The following DNAH3 variants were observed in gnomAD, a reference collection of about 807,000 sequenced individuals.
The protein encoded by DNAH3 is dynein axonemal heavy chain 3, also known as axonemal beta dynein heavy chain 3.
DNAH3 carries 332 observed loss-of-function variants against 432.5 expected under a neutral mutation model. The ratio of observed to expected loss-of-function variants is 0.77; its 90% CI spans 0.70 to 0.84. The LOEUF is 0.84. DNAH3 is among the 40% of genes least tolerant of loss of function. DNAH3 has a pLI of 0.00. For missense variants in DNAH3, 4,861 were observed against 5,114.0 expected, an observed-to-expected ratio of 0.95 and a Z score of 1.51; for synonymous variants, 1,956 against 1,900.2, an observed-to-expected ratio of 1.03 and a Z score of -0.76.
At position 20,969,266 on chromosome 16, in the gene DNAH3, GTC is replaced by G. The variant is rs201202362; in HGVS notation, c.8458+524_8458+525del. Among the ~76,000 whole-genome samples the G allele has an allele frequency of 8.8e-3, 1,324 of 150,386 alleles. 18 individuals carry two copies. The highest frequency in any genetic ancestry group is 0.03 in the African/African-American group (1,244 of 41,008). On this transcript the variant is annotated intron_variant, in intron 52 of 61. Transcript: ENST00000261383. The stretch of plus-strand genomic sequence containing the variant: ...TGTGCATGTATGTCTATATGTGCAT[GTC>G]TCTGTGTGCATGCATGTGTGTGCAT...
intron 39 of DNAH3, among the ~76,000 whole-genome samples, chr16:21,023,805 G>C (rs2152715096): frequency 6.6e-6 from 1 of 152,022 alleles, no homozygotes; most frequent in South Asian, 2.1e-4. Flanking sequence ...GTGTGTGTGT[G>C]TGTGTGTGTG....
intron 57 of DNAH3, 113 bp from the exon 58 acceptor site, chr16:20,944,776 GACACACAC>G (rs71377697): frequency 1.0e-5 from 7 of 700,984 alleles, no homozygotes; most frequent in Non-Finnish European, 1.7e-5. Flanking sequence ...AGTAGCACAG[GACACACAC>G]ACACACACAC....
intron 7 of DNAH3, chr16:21,130,091 G>GAAAAAA (rs58706051): frequency 6.3e-5 from 5 of 79,126 alleles, no homozygotes; most frequent in Non-Finnish European, 1.0e-4. Context: ...CTAAATAAAT[G>GAAAAAA]AAAAAAAAAA....
exon 50 of DNAH3, chr16:20,979,419 T>C (rs1401606618): frequency 5.0e-6 from 8 of 1,614,052 alleles, no homozygotes; most frequent in Non-Finnish European, 6.8e-6. Context: ...TTCAGGAGCG[T>C]CTTGAAGGTT....
At chr16:21,152,903 G>A (rs1337769471) in intron 1 of DNAH3, among the ~76,000 whole-genome samples, 1 of 152,190 alleles carries the variant, frequency 6.6e-6, no homozygotes, top group Admixed American at 6.5e-5. Context: ...CTCCTGTGCT[G>A]CCCGAGCCTC....
At chr16:21,102,612 CTGTT>C (rs771548775) in intron 16 of DNAH3, among the ~76,000 whole-genome samples, 4 of 152,096 alleles carry the variant, frequency 2.6e-5, no homozygotes, top group Admixed American at 1.3e-4. Context: ...GATGAGCCTT[CTGTT>C]TATTTATCTA....
At chr16:21,107,219 G>C (rs1293486145) in intron 14 of DNAH3, among the ~76,000 whole-genome samples, 2 of 147,506 alleles carry the variant, frequency 1.4e-5, no homozygotes, top group African/African-American at 5.0e-5. Context: ...TTGAAATAGA[G>C]CACTAAATTA....
chr16:21,149,944 G>A (rs188757116), intron 1 of DNAH3, among the ~76,000 whole-genome samples: 2 of 152,196 alleles, frequency 1.3e-5, no homozygotes, highest in East Asian at 1.9e-4. Context: ...CAGGTAAATC[G>A]GCCAGACACG....
At chr16:21,046,641 T>A (rs1336395363) in intron 31 of DNAH3, among the ~76,000 whole-genome samples, 2 of 152,198 alleles carry the variant, frequency 1.3e-5, no homozygotes, top group African/African-American at 4.8e-5. Context: ...TTTTCCAGTC[T>A]GTGTCTTTTA....
In DNAH3 at chr16:21,086,953, G is replaced by A. The variant is rs965795475; in HGVS notation, c.2773C>T (p.Arg925Cys). ...TTGATCTTCACATTCTCTGCTAAGC[G>A]CCTGGGTGCAGGCACATCAGACAAG... is the stretch of plus-strand genomic sequence containing the variant. Residue 925 changes from arginine (R) to cysteine (C), a missense_variant, in exon 19 of 62, where the codon CGC (arginine) becomes TGC (cysteine). Physicochemically the swap from Arg to Cys is radical, Grantham distance 180. Transcript: ENST00000261383. 8.1e-6 allele frequency: 13 copies of A among 1,614,024 alleles called. No homozygotes were observed. The highest frequency in any genetic ancestry group is 2.2e-5 in the East Asian group (1 of 44,898).
In DNAH3 at chr16:21,112,104, A is replaced by G. The variant is rs1358723953; in HGVS notation, c.1815-6T>C. On this transcript the variant is annotated splice_region_variant and splice_polypyrimidine_tract_variant and intron_variant, in intron 12 of 61. Transcript: ENST00000261383. Reference sequence around the variant, plus strand: ...TTTTGTAGACATTTAAATATCTTCCATATTGAAGGGTGTGAAATCAAACAC... The same window carrying G: ...TTTTGTAGACATTTAAATATCTTCCGTATTGAAGGGTGTGAAATCAAACAC... 6.3e-7 allele frequency: 1 copy of G among 1,587,326 alleles called. No homozygotes were observed. Among genetic ancestry groups the G allele is most frequent in the Non-Finnish European group, 8.6e-7 (1 of 1,157,844 alleles).
At chr16:21,024,191 A>G (rs1285840772) in intron 39 of DNAH3, among the ~76,000 whole-genome samples, 1 of 152,166 alleles carries the variant, frequency 6.6e-6, no homozygotes, top group East Asian at 1.9e-4. Flanking sequence ...TGCAGAGTCC[A>G]GGTTACAGGG....
chr16:21,145,175 AAGTACC>A lies in DNAH3; in HGVS notation c.448_448+5del. The A allele has an allele frequency of 1.9e-6, 3 of 1,606,928 alleles. 1 individual carries two copies. In the South Asian group the frequency reaches 3.3e-5, roughly 18 times the overall value. On this transcript the variant is annotated splice_donor_variant and splice_donor_5th_base_variant and coding_sequence_variant and intron_variant, in exon 3 of 62. Coordinates refer to ENST00000261383, the Ensembl canonical transcript of DNAH3. LOFTEE classifies it high-confidence loss of function. ...TTCTGCAAGGGTGTGACACTGCCAC[AAGTACC>A]TGATGATGGCAGCCCCTGACCGGTC...
intron 20 of DNAH3, among the ~76,000 whole-genome samples, chr16:21,078,323 T>C (rs2091052303): frequency 6.8e-6 from 1 of 147,434 alleles, no homozygotes; most frequent in Non-Finnish European, 1.5e-5. Context: ...ACTGTTCATA[T>C]GTGTTCAATC....
chr16:21,052,132 T>C (rs1354734143), intron 28 of DNAH3, among the ~76,000 whole-genome samples: 2 of 152,032 alleles, frequency 1.3e-5, no homozygotes, highest in Non-Finnish European at 2.9e-5. Flanking sequence ...GCTGGGATTA[T>C]AGGCGCACGC....
intron 30 of DNAH3, 28 bp downstream of exon 30, chr16:21,049,882 A>T (rs752607515): frequency 6.4e-7 from 1 of 1,570,690 alleles, no homozygotes; most frequent in Non-Finnish European, 8.8e-7. Context: ...CCTGGAAGAG[A>T]GGGAGGGGAT....
At position 21,023,981 on chromosome 16, in the gene DNAH3, C is replaced by G. The variant is rs965204751; in HGVS notation, c.5646+615G>C. Among the ~76,000 whole-genome samples the G allele has an allele frequency of 7.9e-5, 12 of 152,114 alleles. 1 individual carries two copies. The highest frequency in any genetic ancestry group is 5.9e-4 in the Admixed American group (9 of 15,256). ...TTCCTCAGTGGGAGACTTTCCTAAGCATTCTATTAACACAGGGGAGGGCAA... is the reference window on the plus strand; with the variant it reads ...TTCCTCAGTGGGAGACTTTCCTAAGGATTCTATTAACACAGGGGAGGGCAA... On this transcript the variant is annotated intron_variant, in intron 39 of 61. Transcript: ENST00000261383.
In DNAH3 at chr16:21,134,658, T is replaced by A. The variant is rs576797871; in HGVS notation, c.887-204A>T. On this transcript the variant is annotated intron_variant, in intron 6 of 61. Coordinates refer to ENST00000261383, the Ensembl canonical transcript of DNAH3. ...CAGGCATGAGTTGCTATGCCTGGCC[T>A]TAGAGTCAACTCTTTTTATTTATTT... 6.3e-4 allele frequency among the ~76,000 whole-genome samples: 96 copies of A among 152,256 alleles called. 1 individual carries two copies. The highest frequency in any genetic ancestry group is 6.3e-3 in the Admixed American group (96 of 15,282).
chr16:20,981,660 G>A (rs1022479733), intron 49 of DNAH3, among the ~76,000 whole-genome samples: 1 of 152,054 alleles, frequency 6.6e-6, no homozygotes, highest in African/African-American at 2.4e-5. Flanking sequence ...GGGAGGCGGA[G>A]GTTGCTGTGA....
Sources: gnomAD v4.1 joint callset for allele counts (sites outside exome capture counted in the v4.1 genomes callset) on GRCh38, gnomAD v4.1.1 for gene constraint, MANE v1.5 for transcripts, NCBI Gene and HGNC (gene_info 2026-07-23, HGNC 2026-07-21) for gene names.